The following TANC1 variants were observed in gnomAD, a reference collection of about 807,000 sequenced individuals.
The protein encoded by TANC1 is protein TANC1.
In TANC1, 77 loss-of-function variants were observed where a neutral mutation model predicts 149.7. The ratio of observed to expected loss-of-function variants is 0.51; its 90% confidence interval spans 0.43 to 0.62. The LOEUF is 0.62. Ranked by LOEUF, TANC1 falls within the 20% of genes least tolerant of loss-of-function variation. TANC1 has a pLI of 0.00. For missense variants in TANC1, 1,985 were observed against 2,321.8 expected (o/e 0.85, Z 2.98); for synonymous variants, 854 against 925.0 (o/e 0.92, Z 1.39).
chr2:159,171,078 T>A (rs892212829), intron 10 of TANC1, among the ~76,000 whole-genome samples: 1 of 140,744 alleles, frequency 7.1e-6, no homozygotes, highest in Non-Finnish European at 1.6e-5. Flanking sequence ...CCAGTGAGGC[T>A]GATCAAGTGT....
chr2:159,063,652 T>C (rs1231043670), intron 2 of TANC1, among the ~76,000 whole-genome samples: 2 of 152,200 alleles, frequency 1.3e-5, no homozygotes, highest in Non-Finnish European at 2.9e-5. Flanking sequence ...GCTATTTACC[T>C]CGAGTTGCTA....
chr2:159,009,231 T>C (rs571478832), intron 2 of TANC1, among the ~76,000 whole-genome samples: 2 of 152,294 alleles, frequency 1.3e-5, no homozygotes, highest in African/African-American at 4.8e-5. Context: ...AAAACACAGC[T>C]ACCATATGGT....
chr2:158,977,612 A>AT (rs59088769), intron 1 of TANC1, among the ~76,000 whole-genome samples: 6,682 of 143,104 alleles, frequency 0.047, 448 homozygotes, highest in African/African-American at 0.15. Context: ...TGCCTGGCTA[A>AT]TTTTTTTTTT....
intron 3 of TANC1, among the ~76,000 whole-genome samples, chr2:159,082,997 G>T (rs2044438376): frequency 6.6e-6 from 1 of 152,066 alleles, no homozygotes; most frequent in Non-Finnish European, 1.5e-5. Context: ...CCAGGCTGGA[G>T]TACATTGGCA....
At chr2:159,163,738 T>G (rs1473035576) in intron 8 of TANC1, among the ~76,000 whole-genome samples, 192 bp downstream of exon 8, 2 of 152,214 alleles carry the variant, frequency 1.3e-5, no homozygotes, top group Non-Finnish European at 2.9e-5. Flanking sequence ...CTTTAAGTGA[T>G]CCTTCTGCTC....
At chr2:159,077,865 A>G (rs1219523623) in intron 3 of TANC1, among the ~76,000 whole-genome samples, 1 of 152,174 alleles carries the variant, frequency 6.6e-6, no homozygotes, top group African/African-American at 2.4e-5. Context: ...AAACTTTTCT[A>G]GGTTTTGTCA....
intron 4 of TANC1, among the ~76,000 whole-genome samples, chr2:159,115,010 AC>A (rs2048091323): frequency 6.6e-6 from 1 of 152,186 alleles, no homozygotes; most frequent in African/African-American, 2.4e-5. Context: ...TGGGCTCTGG[AC>A]TAGAGATGTG....
At position 159,009,363 on chromosome 2, in the gene TANC1, AG is replaced by A. The variant is rs1170183982; in HGVS notation, c.-16+8175del. On this transcript the variant is annotated intron_variant, in intron 2 of 26. Transcript: ENST00000263635. ...GTAGTCAAGATATGGAATCAACTTA[AG>A]TGTCCATCAGCAGATGAATAGAATG... Among the ~76,000 whole-genome samples the A allele has an allele frequency of 1.9e-4, 29 of 152,324 alleles. 1 individual carries two copies. The highest frequency in any genetic ancestry group is 6.7e-4 in the African/African-American group (28 of 41,576).
Position 159,057,935 on chromosome 2 carries a change from T to C in TANC1, c.-15-7961T>C, listed in dbSNP as rs772076299. Among the ~76,000 whole-genome samples the C allele has an allele frequency of 5.3e-5, 8 of 152,058 alleles. 1 individual carries two copies. The highest frequency in any genetic ancestry group is 8.8e-5 in the Non-Finnish European group (6 of 68,020). The stretch of plus-strand genomic sequence containing the variant: ...TACAGTACTAGTGACAATATTGGAG[T>C]TTTGTCTTCTAGTTAGCCGTGTTTT... On this transcript the variant is annotated intron_variant, in intron 2 of 26. Transcript: ENST00000263635.
Position 159,001,156 on chromosome 2 carries a change from CT to C in TANC1, c.-45del. 1 of 152,716 alleles carries C rather than the reference CT, an allele frequency of 6.5e-6. No homozygotes were observed. The highest frequency in any genetic ancestry group is 1.5e-5 in the Non-Finnish European group (1 of 68,358). 9.5% of individuals were successfully genotyped at this position (152,716 alleles called of 1,614,324 possible). ...ATTGTGAACTAAGGCCCCCTGCCCCCTTTTCCTGGTGCATGTGAAGTTATCA... is the reference window on the plus strand; with the variant it reads ...ATTGTGAACTAAGGCCCCCTGCCCCCTTTCCTGGTGCATGTGAAGTTATCA... On this transcript the variant is annotated 5_prime_UTR_variant, in exon 2 of 27. Transcript: ENST00000263635. The surrounding 1 kb of genome is among the most constrained non-coding windows in gnomAD (Gnocchi z 4.3).
At chr2:158,992,067 G>T (rs2035685892) in intron 1 of TANC1, among the ~76,000 whole-genome samples, 1 of 151,862 alleles carries the variant, frequency 6.6e-6, no homozygotes, top group South Asian at 2.1e-4. Flanking sequence ...AGAGAAAAGA[G>T]TAATACACGT....
intron 24 of TANC1, chr2:159,227,571 C>T: frequency 2.0e-6 from 1 of 494,318 alleles, no homozygotes; most frequent in African/African-American, 2.0e-5. Flanking sequence ...TTACAGACAC[C>T]TTATTGTAAA....
At position 159,176,527 on chromosome 2, in the gene TANC1, G is replaced by T. The variant is rs182817629; in HGVS notation, c.1902+9G>T. On this transcript the variant is annotated intron_variant, in intron 13 of 26. Coordinates refer to ENST00000263635, the MANE Select transcript of TANC1 (RefSeq NM_033394.3). The stretch of plus-strand genomic sequence containing the variant: ...TAAGAGCAAATTTTCAGGTAACAAA[G>T]AATTCTCAAATCTTTCTCCAAGTCC... 602 of 1,581,320 alleles carry T rather than the reference G, an allele frequency of 3.8e-4. 4 individuals carry two copies. In the Admixed American group the frequency reaches 0.011, roughly 28 times the overall value.
intron 19 of TANC1, among the ~76,000 whole-genome samples, chr2:159,203,671 C>T (rs187016342): frequency 6.6e-6 from 1 of 152,272 alleles, no homozygotes; most frequent in East Asian, 1.9e-4. Flanking sequence ...CACTCAGGTG[C>T]TCCTCCCACC....
chr2:159,066,133 C>T (rs143125519), intron 3 of TANC1, among the ~76,000 whole-genome samples, 162 bp downstream of exon 3: 2 of 152,334 alleles, frequency 1.3e-5, no homozygotes, highest in African/African-American at 4.8e-5. Context: ...ATAGGCCAGA[C>T]ATGGTGACCC....
intron 1 of TANC1, among the ~76,000 whole-genome samples, chr2:158,994,644 G>T (rs748241447): frequency 6.6e-6 from 1 of 152,154 alleles, no homozygotes; most frequent in Non-Finnish European, 1.5e-5. Flanking sequence ...CTAGATGTTC[G>T]TGTCTCAATT....
chr2:159,228,694 TG>T, intron 25 of TANC1, 101 bp from the exon 26 acceptor site: 1 of 762,970 alleles, frequency 1.3e-6, no homozygotes, highest in Non-Finnish European at 2.3e-6. Context: ...CCTCTCTGGC[TG>T]TGCCTCAGAG....
chr2:159,161,487 A>G (rs2150391498), intron 7 of TANC1, among the ~76,000 whole-genome samples: 1 of 152,330 alleles, frequency 6.6e-6, no homozygotes, highest in Admixed American at 6.5e-5. Flanking sequence ...GATGGCCCCC[A>G]TTTTTATGCT....
chr2:159,149,613 G>T (rs1429574809), intron 6 of TANC1: 5 of 264,962 alleles, frequency 1.9e-5, no homozygotes, highest in South Asian at 4.7e-5. Flanking sequence ...TGGTTGCTTT[G>T]GTATACGCTT....
Sources: gnomAD v4.1 joint callset for allele counts (sites outside exome capture counted in the v4.1 genomes callset) on GRCh38, gnomAD v4.1.1 for gene constraint, Gnocchi (gnomAD v3.1) non-coding constraint, MANE v1.5 for transcripts, NCBI Gene and HGNC (gene_info 2026-07-23, HGNC 2026-07-21) for gene names.